The following ARID2 variants were observed in gnomAD, a reference collection of about 807,000 sequenced individuals.
The protein encoded by ARID2 is AT-rich interactive domain-containing protein 2.
In ARID2, 32 loss-of-function variants were observed where a neutral mutation model predicts 184.6. That is an observed-to-expected ratio of 0.17 (90% confidence interval 0.13 to 0.23). The LOEUF (loss-of-function observed/expected upper bound fraction) is 0.23, where lower values mean the gene tolerates loss of function less well. Ranked by LOEUF, ARID2 falls within the 10% of genes least tolerant of loss-of-function variation. The pLI, the probability that ARID2 is intolerant of heterozygous loss-of-function variation, is 1.00. For missense variants in ARID2, 1,696 were observed against 2,197.6 expected (o/e 0.77, Z 4.56); for synonymous variants, 836 against 772.6 (o/e 1.08, Z -1.36).
At chr12:45,744,467 A>G (rs531287612) in intron 3 of ARID2, among the ~76,000 whole-genome samples, 1 of 152,114 alleles carries the variant, frequency 6.6e-6, no homozygotes, top group Non-Finnish European at 1.5e-5. Context: ...CCATTTTTGC[A>G]CCTTATATTT....
intron 16 of ARID2, among the ~76,000 whole-genome samples, chr12:45,887,055 A>G (rs1308429614): frequency 1.3e-5 from 2 of 152,222 alleles, no homozygotes; most frequent in African/African-American, 2.4e-5. Flanking sequence ...ATTTCAGGAA[A>G]TTTGTACCTA....
chr12:45,817,910 TTA>T, intron 5 of ARID2, 22 bp downstream of exon 5: 2 of 1,579,286 alleles, frequency 1.3e-6, no homozygotes, highest in South Asian at 2.4e-5. Flanking sequence ...GCTGAATGTA[TTA>T]TATAATTCTT....
In ARID2 at chr12:45,752,153, A is replaced by G. The variant is rs75708012; in HGVS notation, c.284+20839A>G. Among the ~76,000 whole-genome samples the G allele has an allele frequency of 8.8e-3, 1,340 of 152,352 alleles. 18 individuals carry two copies. Among genetic ancestry groups the G allele is most frequent in the African/African-American group, 0.031 (1,275 of 41,576 alleles). On this transcript the variant is annotated intron_variant, in intron 3 of 20. Transcript: ENST00000334344. ...TAATAGTACACAATTTAGAAGATCC[A>G]TGGAGGGAAAATATCAAGCAGTGTA... is the stretch of plus-strand genomic sequence containing the variant.
intron 6 of ARID2, among the ~76,000 whole-genome samples, chr12:45,829,616 A>G (rs1321740925): frequency 6.6e-6 from 1 of 151,590 alleles, no homozygotes; most frequent in Non-Finnish European, 1.5e-5. Flanking sequence ...TATAGATTGT[A>G]GATTATAAGT....
At chr12:45,902,081 T>C (rs930580928) in intron 20 of ARID2, among the ~76,000 whole-genome samples, 7 of 152,256 alleles carry the variant, frequency 4.6e-5, no homozygotes, top group African/African-American at 1.7e-4. Context: ...TAAATGGTTT[T>C]TACTAGTGTT....
Position 45,850,112 on chromosome 12 carries a change from T to A in ARID2, c.1989T>A (p.Thr663=), listed in dbSNP as rs768493320. Residue 663 remains threonine (T), a synonymous_variant, in exon 15 of 21, where the codon ACT becomes ACA. Transcript: ENST00000334344. ...TPVANQSSNL[T]ATQMSFPVQG... is the part of the protein sequence containing the mutation. The stretch of plus-strand genomic sequence containing the variant: ...TTGCCAACCAATCTTCAAATCTGAC[T>A]GCAACACAAATGTCTTTTCCTGTAC... The A allele has an allele frequency of 6.2e-7, 1 of 1,614,080 alleles. No individual in the cohort carries two copies. The highest frequency in any genetic ancestry group is 8.5e-7 in the Non-Finnish European group (1 of 1,179,972).
chr12:45,901,464 C>A (rs1169585498), intron 20 of ARID2, among the ~76,000 whole-genome samples: 5 of 151,880 alleles, frequency 3.3e-5, no homozygotes, highest in Non-Finnish European at 7.4e-5. Flanking sequence ...GCCACCACCC[C>A]CAGCCGGAAA....
At chr12:45,841,023 A>G (rs1943334041) in intron 11 of ARID2, 1 of 152,176 alleles carries the variant, frequency 6.6e-6, no homozygotes, top group African/African-American at 2.4e-5. Context: ...TTTGGTCAGA[A>G]TATTAATGGT....
At chr12:45,785,520 A>C (rs193209384) in intron 3 of ARID2, among the ~76,000 whole-genome samples, 55 of 152,274 alleles carry the variant, frequency 3.6e-4, no homozygotes, top group African/African-American at 1.3e-3. Flanking sequence ...TAGAAGGCCT[A>C]AGTACAACGC....
At chr12:45,762,444 C>A (rs1294359159) in intron 3 of ARID2, among the ~76,000 whole-genome samples, 1 of 152,170 alleles carries the variant, frequency 6.6e-6, no homozygotes, top group African/African-American at 2.4e-5. Flanking sequence ...AGGTTCTACA[C>A]TAAAGTAGTG....
intron 3 of ARID2, among the ~76,000 whole-genome samples, chr12:45,762,182 C>A (rs1310929443): frequency 2.6e-5 from 4 of 152,092 alleles, no homozygotes; most frequent in African/African-American, 9.7e-5. Context: ...GTTTCCCTTT[C>A]CCATATTAAT....
Position 45,837,911 on chromosome 12 carries a change from G to A in ARID2, c.1330+204G>A, listed in dbSNP as rs1036695590. 5.3e-5 allele frequency among the ~76,000 whole-genome samples: 8 copies of A among 151,912 alleles called. No individual in the cohort carries two copies. The East Asian group carries it at 7.7e-4, about 15-fold the overall frequency. On this transcript the variant is annotated intron_variant, in intron 10 of 20. Coordinates refer to ENST00000334344, the MANE Select transcript of ARID2 (RefSeq NM_152641.4). ...TTTTACAATAATTACATTCTTTAAC[G>A]TTATGCAACATTGTCTTGTTTATTT...
chr12:45,843,508 AG>A (rs1459010628), intron 11 of ARID2, among the ~76,000 whole-genome samples: 1 of 151,794 alleles, frequency 6.6e-6, no homozygotes, highest in Non-Finnish European at 1.5e-5. Flanking sequence ...CTGGGACTAC[AG>A]GTGGCCACCA....
At chr12:45,755,598 T>C (rs1434342576) in intron 3 of ARID2, among the ~76,000 whole-genome samples, 1 of 152,236 alleles carries the variant, frequency 6.6e-6, no homozygotes, top group Non-Finnish European at 1.5e-5. Flanking sequence ...TTCTATATTT[T>C]ATTTGAGTGT....
At chr12:45,854,489 C>T (rs1285816130) in intron 15 of ARID2, among the ~76,000 whole-genome samples, 1 of 152,092 alleles carries the variant, frequency 6.6e-6, no homozygotes, top group Non-Finnish European at 1.5e-5. Flanking sequence ...ATTCAAGCTT[C>T]CACATGTTGA....
intron 3 of ARID2, among the ~76,000 whole-genome samples, chr12:45,771,358 A>T (rs998592901): frequency 1.4e-5 from 2 of 145,488 alleles, no homozygotes; most frequent in African/African-American, 5.0e-5. Flanking sequence ...GTCCATGTCA[A>T]AAAAAAAAAA....
chr12:45,852,228 G>T lies in ARID2; in HGVS notation c.4105G>T (p.Gly1369Cys). 1.2e-6 allele frequency: 2 copies of T among 1,614,052 alleles called. No individual in the cohort carries two copies. Among genetic ancestry groups the T allele is most frequent in the Non-Finnish European group, 1.7e-6 (2 of 1,180,000 alleles). The change falls in exon 15 of 21, where the codon GGT (glycine) becomes TGT (cysteine). Residue 1369 changes from glycine (G) to cysteine (C), a missense_variant. Gly to Cys is a radical substitution (Grantham distance 159, BLOSUM62 -3). This residue lies in a region of ARID2 where 428 missense variants were observed against 409.1 expected (regional missense o/e 1.05). Coordinates refer to ENST00000334344, the MANE Select transcript of ARID2 (RefSeq NM_152641.4). Reference protein sequence around the residue: ...NGICDFDKGDGSHLSKNIPNH... With the variant: ...NGICDFDKGDCSHLSKNIPNH... ...AATCTGTGATTTTGATAAAGGAGAT[G>T]GTTCTCATTTAAGCAAAAACATTCC...
At chr12:45,803,653 A>C (rs1459935619) in intron 3 of ARID2, among the ~76,000 whole-genome samples, 2 of 152,084 alleles carry the variant, frequency 1.3e-5, no homozygotes, top group Non-Finnish European at 2.9e-5. Context: ...TACTTCTTTC[A>C]TATCTTATTG....
intron 3 of ARID2, among the ~76,000 whole-genome samples, chr12:45,800,006 C>T (rs929861051): frequency 4.6e-5 from 7 of 152,050 alleles, no homozygotes; most frequent in Non-Finnish European, 7.4e-5. Context: ...TGTGCCACCA[C>T]ACCTAGCCAA....
Sources: gnomAD v4.1 joint callset for allele counts (sites outside exome capture counted in the v4.1 genomes callset) on GRCh38, gnomAD v4.1.1 for gene constraint, gnomAD v4.1.1 regional missense constraint, MANE v1.5 for transcripts, NCBI Gene and HGNC (gene_info 2026-07-23, HGNC 2026-07-21) for gene names.